OXNAD1: variants seen among roughly 807,000 people sequenced by gnomAD.
OXNAD1 encodes the protein oxidoreductase NAD binding domain containing 1.
In OXNAD1, 34 loss-of-function variants were observed where a neutral mutation model predicts 32.9. The ratio of observed to expected loss-of-function variants is 1.03; its 90% CI spans 0.79 to 1.38. The LOEUF (loss-of-function observed/expected upper bound fraction) is 1.38, where lower values mean the gene tolerates loss of function less well. OXNAD1 is among the 40% of genes most tolerant of loss of function. The pLI is 0.00. For missense variants in OXNAD1, 407 were observed against 379.4 expected, an observed-to-expected ratio of 1.07 and a Z score of -0.60; for synonymous variants, 134 against 135.2, an observed-to-expected ratio of 0.99 and a Z score of 0.06.
chr3:16,273,492 C>T (rs1392015203), intron 4 of OXNAD1, among the ~76,000 whole-genome samples: 5 of 150,470 alleles, frequency 3.3e-5, no homozygotes, highest in Admixed American at 1.3e-4. Flanking sequence ...CTCCCAAGCT[C>T]GACTGATCCT....
intron 2 of OXNAD1, among the ~76,000 whole-genome samples, chr3:16,270,123 T>G (rs966191115): frequency 2.0e-5 from 3 of 152,184 alleles, no homozygotes; most frequent in Admixed American, 6.5e-5. Flanking sequence ...CTTAATCAGT[T>G]TTTACAAAAA....
chr3:16,286,227 T>C (rs2066060166), intron 4 of OXNAD1, 115 bp from the exon 5 acceptor site: 7 of 786,296 alleles, frequency 8.9e-6, no homozygotes, highest in Non-Finnish European at 1.5e-5. Flanking sequence ...TGTTTGGCAA[T>C]TTTCAAAAAC....
intron 9 of OXNAD1, chr3:16,323,413 G>C (rs1057490805): frequency 6.2e-7 from 1 of 1,611,912 alleles, no homozygotes; most frequent in Non-Finnish European, 8.5e-7. Flanking sequence ...AGGTAGACAA[G>C]GTCTCTGAAG....
At chr3:16,279,983 C>T (rs1290734434) in intron 4 of OXNAD1, among the ~76,000 whole-genome samples, 2 of 152,204 alleles carry the variant, frequency 1.3e-5, no homozygotes, top group Non-Finnish European at 2.9e-5. Flanking sequence ...GCAGCAAAGA[C>T]CACAAGTGCC....
intron 4 of OXNAD1, among the ~76,000 whole-genome samples, chr3:16,283,263 A>G (rs1200213829): frequency 6.6e-6 from 1 of 152,194 alleles, no homozygotes; most frequent in Non-Finnish European, 1.5e-5. Context: ...TTCAGGCACC[A>G]TGCTCAATAA....
chr3:16,293,409 T>C (rs939592671), intron 5 of OXNAD1, among the ~76,000 whole-genome samples: 1 of 152,258 alleles, frequency 6.6e-6, no homozygotes, highest in Non-Finnish European at 1.5e-5. Flanking sequence ...TTAGTTCTAA[T>C]ATCTTTTTAG....
rs1175174906 is a variant in OXNAD1 at position 16,305,745 on chromosome 3, A to G, written c.*2183A>G. The G allele has an allele frequency of 6.6e-6, 1 of 152,222 alleles. No individual in the cohort carries two copies. Among genetic ancestry groups the G allele is most frequent in the Non-Finnish European group, 1.5e-5 (1 of 68,036 alleles). The allele number at this position is 152,222 out of a possible 1,614,324, so 9.4% of individuals were successfully genotyped here. ...CTTGAGCAAGTCACTTAACTGCTCT[A>G]TGCCTCATTTAAAATTACATACAAC... is the stretch of plus-strand genomic sequence containing the variant. On this transcript the variant is annotated 3_prime_UTR_variant, in exon 9 of 9. Transcript: ENST00000285083. This position sits in a 1 kb window ranked among gnomAD's most constrained non-coding sequence, Gnocchi z 4.5.
In OXNAD1 at chr3:16,299,089, T is replaced by A. The variant is rs1357856206; in HGVS notation, c.433-2537T>A. 6.6e-6 allele frequency among the ~76,000 whole-genome samples: 1 copy of A among 152,196 alleles called. No individual in the cohort carries two copies. Among genetic ancestry groups the A allele is most frequent in the Non-Finnish European group, 1.5e-5 (1 of 68,034 alleles). ...TTCTTGCCAACTTTAGAGTTGAAAA[T>A]ACTCTGGTTTCTAAAAACAATAACC... is the stretch of plus-strand genomic sequence containing the variant. On this transcript the variant is annotated intron_variant, in intron 6 of 8. Transcript: ENST00000285083. This position sits in a 1 kb window ranked among gnomAD's most constrained non-coding sequence, Gnocchi z 4.4.
In OXNAD1 at chr3:16,290,786, C is replaced by T. The variant is rs567037915; in HGVS notation, c.291-4070C>T. The stretch of plus-strand genomic sequence containing the variant: ...GTTTTTAAACACTTATAATAAATGA[C>T]TGGAAATGTAAGGCCATAGACTGCA... On this transcript the variant is annotated intron_variant, in intron 5 of 8. Coordinates refer to ENST00000285083, the MANE Select transcript of OXNAD1 (RefSeq NM_138381.5). The surrounding 1 kb of genome is among the most constrained non-coding windows in gnomAD (Gnocchi z 4.2). Among the ~76,000 whole-genome samples the T allele has an allele frequency of 1.3e-5, 2 of 152,266 alleles. No homozygotes were observed. The highest frequency in any genetic ancestry group is 2.4e-5 in the African/African-American group (1 of 41,538).
rs2067167798 is a variant in OXNAD1 at position 16,301,348 on chromosome 3, C to T, written c.433-278C>T. The stretch of plus-strand genomic sequence containing the variant: ...CCTCTTTCCTCAATCCAGTTCATCG[C>T]CTAAGAAGTTAACAAATGGTGAAAT... On this transcript the variant is annotated intron_variant, in intron 6 of 8. Coordinates refer to ENST00000285083, the MANE Select transcript of OXNAD1 (RefSeq NM_138381.5). This position sits in a 1 kb window ranked among gnomAD's most constrained non-coding sequence, Gnocchi z 4.1. 6.6e-6 allele frequency among the ~76,000 whole-genome samples: 1 copy of T among 152,164 alleles called. No homozygotes were observed. Among genetic ancestry groups the T allele is most frequent in the Admixed American group, 6.5e-5 (1 of 15,272 alleles).
Position 16,303,468 on chromosome 3 carries a change from T to G in OXNAD1, c.845T>G (p.Ile282Ser), listed in dbSNP as rs199530349. ...ATTTCAAAAGAGACTTTGTTCTATA[T>G]TTGTGGCCCACCTCCAATGACAGAC... is the stretch of plus-strand genomic sequence containing the variant. ...DHISKETLFY[I>S]CGPPPMTDFF... is the part of the protein sequence containing the mutation. Residue 282 changes from isoleucine to serine, a missense_variant, in exon 9 of 9, where the codon ATT becomes AGT. Coordinates refer to ENST00000285083, the MANE Select transcript of OXNAD1 (RefSeq NM_138381.5). The surrounding 1 kb of genome is among the most constrained non-coding windows in gnomAD (Gnocchi z 4.8). 1.2e-6 allele frequency: 2 copies of G among 1,614,102 alleles called. No individual in the cohort carries two copies. Among genetic ancestry groups the G allele is most frequent in the Non-Finnish European group, 1.7e-6 (2 of 1,179,952 alleles).
rs1235213592 is a variant in OXNAD1, at chr3:16,346,882, C to T, written c.*31-2294C>T. On this transcript the variant is annotated intron_variant, in intron 9 of 9. Transcript: ENST00000606098. This position sits in a 1 kb window ranked among gnomAD's most constrained non-coding sequence, Gnocchi z 4.4. Reference sequence around the variant, plus strand: ...CAGAAAGATGGCAACATCTGGATCCCTGGTGGCATCTTTAAGCTGTTGACA... The same window carrying T: ...CAGAAAGATGGCAACATCTGGATCCTTGGTGGCATCTTTAAGCTGTTGACA... Among the ~76,000 whole-genome samples the T allele has an allele frequency of 6.6e-6, 1 of 152,170 alleles. No homozygotes were observed. The highest frequency in any genetic ancestry group is 1.9e-4 in the East Asian group (1 of 5,204).
Position 16,297,548 on chromosome 3 carries a change from A to C in OXNAD1, c.432+2551A>C, listed in dbSNP as rs971856771. On this transcript the variant is annotated intron_variant, in intron 6 of 8. Transcript: ENST00000285083. The surrounding 1 kb of genome is among the most constrained non-coding windows in gnomAD (Gnocchi z 4.3). ...GTTTATATAAAAGCATAACATGAATATTTATAGCAGTTCTATTCATAATTA... is the reference window on the plus strand; with the variant it reads ...GTTTATATAAAAGCATAACATGAATCTTTATAGCAGTTCTATTCATAATTA... 6.6e-6 allele frequency among the ~76,000 whole-genome samples: 1 copy of C among 152,254 alleles called. No homozygotes were observed. The highest frequency in any genetic ancestry group is 2.4e-5 in the African/African-American group (1 of 41,470).
rs1350031673 is a variant in OXNAD1 at position 16,329,800 on chromosome 3, A to AC, written c.*31-7311dup. On this transcript the variant is annotated intron_variant, in intron 9 of 9. Transcript: ENST00000435829. This position sits in a 1 kb window ranked among gnomAD's most constrained non-coding sequence, Gnocchi z 4.5. Reference sequence around the variant, plus strand: ...ACTGTGACAAACCCGCCACAATCAGACAGTAGCCATGGCAACCAGGACAAG... The same window carrying AC: ...ACTGTGACAAACCCGCCACAATCAGACCAGTAGCCATGGCAACCAGGACAAG... 1.3e-5 allele frequency among the ~76,000 whole-genome samples: 2 copies of AC among 152,190 alleles called. No individual in the cohort carries two copies. The highest frequency in any genetic ancestry group is 2.9e-5 in the Non-Finnish European group (2 of 68,034).
chr3:16,266,519 C>T lies in OXNAD1; in HGVS notation c.-159+1014C>T, dbSNP rs1233873326. Among the ~76,000 whole-genome samples, 3 of 144,090 alleles carry T rather than the reference C, an allele frequency of 2.1e-5. No homozygotes were observed. The Admixed American group carries it at 2.2e-4, about 10-fold the overall frequency. The allele number at this position is 144,090 out of a possible 152,430, so 94.5% of individuals were successfully genotyped here. ...TCAGGAGGCTGAGGCAGGAGAATCT[C>T]TTGAACCTGGAAGGCAGAGATTGCA... On this transcript the variant is annotated intron_variant, in intron 1 of 8. Coordinates refer to ENST00000285083, the MANE Select transcript of OXNAD1 (RefSeq NM_138381.5).
rs183983626 is a variant in OXNAD1, at chr3:16,348,374, T to C, written c.*31-802T>C. On this transcript the variant is annotated intron_variant, in intron 9 of 9. Transcript: ENST00000606098. This position sits in a 1 kb window ranked among gnomAD's most constrained non-coding sequence, Gnocchi z 6.3. Reference sequence around the variant, plus strand: ...ATGTGTTCTAATTATAAAAAAAAATTAATAGATGTGCCTTCTCTTCCAGCT... The same window carrying C: ...ATGTGTTCTAATTATAAAAAAAAATCAATAGATGTGCCTTCTCTTCCAGCT... 1.3e-5 allele frequency among the ~76,000 whole-genome samples: 2 copies of C among 152,186 alleles called. No homozygotes were observed. Among genetic ancestry groups the C allele is most frequent in the East Asian group, 3.9e-4 (2 of 5,176 alleles).
Position 16,288,774 on chromosome 3 carries a change from T to C in OXNAD1, c.290+2326T>C, listed in dbSNP as rs1229021339. Among the ~76,000 whole-genome samples the C allele has an allele frequency of 6.6e-6, 1 of 152,228 alleles. No individual in the cohort carries two copies. The highest frequency in any genetic ancestry group is 1.5e-5 in the Non-Finnish European group (1 of 68,032). ...CACTTGCTAGCTCCTTGGTGAGGCCTGCCCTTGACCAGAATTCCTCCTCCC... is the reference window on the plus strand; with the variant it reads ...CACTTGCTAGCTCCTTGGTGAGGCCCGCCCTTGACCAGAATTCCTCCTCCC... On this transcript the variant is annotated intron_variant, in intron 5 of 8. Transcript: ENST00000285083. The surrounding 1 kb of genome is among the most constrained non-coding windows in gnomAD (Gnocchi z 5.1).
downstream of OXNAD1, among the ~76,000 whole-genome samples, chr3:16,306,611 C>G (rs2067581298): frequency 6.6e-6 from 1 of 152,090 alleles, no homozygotes; most frequent in South Asian, 2.1e-4. Context: ...CTTTTTTTCC[C>G]CCATGATTCA....
chr3:16,276,957 C>G (rs967330176), intron 4 of OXNAD1, among the ~76,000 whole-genome samples: 1 of 132,242 alleles, frequency 7.6e-6, no homozygotes, highest in African/African-American at 2.9e-5. Context: ...GAGTCTCTTT[C>G]TTGTTGCACA....
Sources: allele counts gnomAD v4.1 joint callset (sites outside exome capture counted in the v4.1 genomes callset), GRCh38; gene constraint gnomAD v4.1.1; non-coding constraint Gnocchi (gnomAD v3.1); transcripts MANE v1.5; gene names NCBI Gene and HGNC (gene_info 2026-07-23, HGNC 2026-07-21).